The following KCNJ16 variants were observed in gnomAD, a reference collection of about 807,000 sequenced individuals.
The protein encoded by KCNJ16 is potassium inwardly rectifying channel subfamily J member 16, also known as inward rectifier potassium channel 16.
A neutral mutation model predicts 18.5 loss-of-function variants in KCNJ16; 15 were observed. The observed-to-expected ratio is 0.81, with a 90% confidence interval of 0.54 to 1.25. KCNJ16 has a LOEUF of 1.25. Ranked by LOEUF, KCNJ16 falls within the 50% of genes most tolerant of loss-of-function variation. The pLI, the probability that KCNJ16 is intolerant of heterozygous loss-of-function variation, is 0.00. For synonymous variants in KCNJ16, 174 were observed against 186.5 expected, an observed-to-expected ratio of 0.93 and a Z score of 0.55; for missense variants, 523 against 525.7, an observed-to-expected ratio of 0.99 and a Z score of 0.05.
At chr17:70,097,540 G>T (rs1196547425) in intron 1 of KCNJ16, among the ~76,000 whole-genome samples, 1 of 152,140 alleles carries the variant, frequency 6.6e-6, no homozygotes, top group Non-Finnish European at 1.5e-5. Context: ...TATTCTATTA[G>T]ATTCTCAAGG....
chr17:70,133,134 G>A lies in KCNJ16; in HGVS notation c.1047G>A (p.Gln349=), dbSNP rs2074122911. The A allele has an allele frequency of 6.2e-7, 1 of 1,614,176 alleles. No individual in the cohort carries two copies. The highest frequency in any genetic ancestry group is 8.5e-7 in the Non-Finnish European group (1 of 1,180,026). ...CCAAGCAATTGGACTGGAAAGACCA[G>A]CAGCTCCACATAGAAAAAGCACCAC... The part of the protein sequence containing the change: ...CSAKQLDWKD[Q]QLHIEKAPPV... The change falls in exon 4 of 4, where the codon CAG becomes CAA. Residue 349 remains glutamine, a synonymous_variant. Coordinates refer to ENST00000392671, the MANE Select transcript of KCNJ16 (RefSeq NM_170741.4).
intron 2 of KCNJ16, among the ~76,000 whole-genome samples, chr17:70,111,948 G>A (rs1427830402): frequency 2.0e-5 from 3 of 152,056 alleles, no homozygotes; most frequent in African/African-American, 4.8e-5. Context: ...TTTATCAGCA[G>A]TGTGAAAACT....
intron 1 of KCNJ16, among the ~76,000 whole-genome samples, chr17:70,079,954 C>T (rs1011668599): frequency 4.6e-5 from 7 of 152,304 alleles, no homozygotes; most frequent in African/African-American, 1.7e-4. Context: ...CCACCCACTT[C>T]GGCCTCCCAA....
rs1249462625 is a variant in KCNJ16 at position 70,132,396 on chromosome 17, A to G, written c.309A>G (p.Leu103=). 2 of 1,614,040 alleles carry G rather than the reference A, an allele frequency of 1.2e-6. No homozygotes were observed. The highest frequency in any genetic ancestry group is 1.7e-6 in the Non-Finnish European group (2 of 1,180,024). Residue 103 remains leucine (L), a synonymous_variant, in exon 4 of 4, where the codon TTA becomes TTG. Transcript: ENST00000392671. ...WLIAFHHGDL[L]NDPDITPCVD... ...TAGCCTTTCATCATGGCGATCTATTAAATGATCCAGACATCACACCTTGTG... is the reference window on the plus strand; with the variant it reads ...TAGCCTTTCATCATGGCGATCTATTGAATGATCCAGACATCACACCTTGTG...
chr17:70,088,316 G>A (rs1383644123), intron 1 of KCNJ16, among the ~76,000 whole-genome samples: 39 of 152,198 alleles, frequency 2.6e-4, no homozygotes, highest in Non-Finnish European at 1.5e-5. Flanking sequence ...TCCCTCGGAT[G>A]TGCAGTTCAC....
At chr17:70,094,102 T>C (rs954136261) in intron 1 of KCNJ16, among the ~76,000 whole-genome samples, 2 of 152,198 alleles carry the variant, frequency 1.3e-5, no homozygotes, top group African/African-American at 4.8e-5. Flanking sequence ...TGACTCAGGT[T>C]TTCTTCCATA....
intron 2 of KCNJ16, 192 bp downstream of exon 2, chr17:70,100,958 T>C (rs1204136725): frequency 6.6e-6 from 1 of 152,228 alleles, no homozygotes; most frequent in Non-Finnish European, 1.5e-5. Context: ...TGTTCACATT[T>C]TACACGTTTA....
At chr17:70,097,047 C>G in intron 1 of KCNJ16, 1 of 387,280 alleles carries the variant, frequency 2.6e-6, no homozygotes, top group Non-Finnish European at 4.6e-6. Context: ...TTTGCAGACA[C>G]GATATTGTGT....
In KCNJ16 at chr17:70,079,489, C is replaced by G. The variant is rs543825076; in HGVS notation, c.-300+4099C>G. 2.0e-3 allele frequency among the ~76,000 whole-genome samples: 298 copies of G among 152,240 alleles called. 2 individuals carry two copies. The highest frequency in any genetic ancestry group is 6.6e-3 in the African/African-American group (273 of 41,548). The stretch of plus-strand genomic sequence containing the variant: ...AGCCAAGTTGACATATAAAATTAAA[C>G]ATCACAATAACAGAATCCAACTTCA... On this transcript the variant is annotated intron_variant, in intron 1 of 3. Transcript: ENST00000392671.
intron 1 of KCNJ16, among the ~76,000 whole-genome samples, chr17:70,087,647 T>A (rs552632384): frequency 6.6e-6 from 1 of 151,964 alleles, no homozygotes; most frequent in African/African-American, 2.4e-5. Flanking sequence ...GCAGAGGTTG[T>A]GGTGGGCCGA....
At chr17:70,106,789 G>A (rs559325693) in intron 2 of KCNJ16, among the ~76,000 whole-genome samples, 1 of 152,282 alleles carries the variant, frequency 6.6e-6, no homozygotes, top group East Asian at 1.9e-4. Flanking sequence ...GTGAGGGAAG[G>A]TATGTTGGGA....
chr17:70,119,668 A>C (rs1164851935), intron 2 of KCNJ16, among the ~76,000 whole-genome samples: 1 of 152,228 alleles, frequency 6.6e-6, no homozygotes, highest in Non-Finnish European at 1.5e-5. Flanking sequence ...ACCTGGATGC[A>C]GGGAGCAGTG....
chr17:70,115,258 T>G (rs996621199), intron 2 of KCNJ16, among the ~76,000 whole-genome samples: 1 of 152,050 alleles, frequency 6.6e-6, no homozygotes, highest in African/African-American at 2.4e-5. Flanking sequence ...TGACTACACT[T>G]TAAAAAACAC....
chr17:70,080,418 T>C (rs1346332382), intron 1 of KCNJ16, among the ~76,000 whole-genome samples: 1 of 152,158 alleles, frequency 6.6e-6, no homozygotes. Context: ...TGACTATATA[T>C]CCAACAATAA....
At position 70,101,402 on chromosome 17, in the gene KCNJ16, A is replaced by G. The variant is rs555507018; in HGVS notation, c.-191+636A>G. 3 of 152,322 alleles carry G rather than the reference A, an allele frequency of 2.0e-5. No individual in the cohort carries two copies. In the South Asian group the frequency reaches 6.2e-4, roughly 32 times the overall value. The allele number at this position is 152,322 out of a possible 1,614,324, so 9.4% of individuals were successfully genotyped here. On this transcript the variant is annotated intron_variant, in intron 2 of 3. Transcript: ENST00000392671. ...GTACTGCAAAAGCTATATGAAAACTATATGTATATAAAAATTATATCTATC... is the reference window on the plus strand; with the variant it reads ...GTACTGCAAAAGCTATATGAAAACTGTATGTATATAAAAATTATATCTATC...
intron 1 of KCNJ16, among the ~76,000 whole-genome samples, chr17:70,097,694 A>G (rs2072442444): frequency 6.6e-6 from 1 of 152,136 alleles, no homozygotes; most frequent in East Asian, 1.9e-4. Flanking sequence ...TAACAGGGAA[A>G]ATAAAATCAC....
rs2074085758 is a variant in KCNJ16, at chr17:70,132,341, G to A, written c.254G>A (p.Trp85Ter). The A allele has an allele frequency of 6.2e-7, 1 of 1,614,024 alleles. No homozygotes were observed. Among genetic ancestry groups the A allele is most frequent in the Non-Finnish European group, 8.5e-7 (1 of 1,180,012 alleles). ...TTTTCTTTATCTTATATTCTCTCGT[G>A]GTTGATATTTGGCTCTGTCTTTTGG... ...VIFSLSYILS[W>*]LIFGSVFWLI... is the part of the protein sequence containing the mutation. Residue 85 changes from tryptophan to a stop codon, truncating the protein, a stop_gained, in exon 4 of 4, where the codon TGG becomes TAG. Coordinates refer to ENST00000392671, the MANE Select transcript of KCNJ16 (RefSeq NM_170741.4). LOFTEE classifies it high-confidence loss of function.
At chr17:70,077,144 T>A (rs1001859709) in intron 1 of KCNJ16, among the ~76,000 whole-genome samples, 2 of 152,176 alleles carry the variant, frequency 1.3e-5, no homozygotes, top group African/African-American at 4.8e-5. Flanking sequence ...AAGAGGCCAG[T>A]GTGGCTGAAG....
At chr17:70,113,598 C>T (rs752568490) in intron 2 of KCNJ16, among the ~76,000 whole-genome samples, 6 of 152,170 alleles carry the variant, frequency 3.9e-5, no homozygotes, top group Non-Finnish European at 8.8e-5. Context: ...GGGAAAAGTG[C>T]TCCCATCTTC....
Sources: gnomAD v4.1 joint callset for allele counts (sites outside exome capture counted in the v4.1 genomes callset) on GRCh38, gnomAD v4.1.1 for gene constraint, MANE v1.5 for transcripts, NCBI Gene and HGNC (gene_info 2026-07-23, HGNC 2026-07-21) for gene names.